The following ARHGEF3 variants were observed in gnomAD, a reference collection of about 807,000 sequenced individuals.
ARHGEF3 encodes the protein 59.8 kDA protein.
In ARHGEF3, 28 loss-of-function variants were observed where a neutral mutation model predicts 63.2. The observed-to-expected ratio is 0.44, with a 90% CI of 0.33 to 0.61. The LOEUF is 0.61. Ranked by LOEUF, ARHGEF3 falls within the 20% of genes least tolerant of loss-of-function variation. The probability of loss-of-function intolerance (pLI) is 0.03; values close to 1 mark genes in which losing one functional copy is unlikely to be tolerated. For missense variants in ARHGEF3, 533 were observed against 659.3 expected, an observed-to-expected ratio of 0.81 and a Z score of 2.10; for synonymous variants, 266 against 254.2, an observed-to-expected ratio of 1.05 and a Z score of -0.44.
intron 4 of ARHGEF3, among the ~76,000 whole-genome samples, chr3:56,820,461 T>TA (rs960505670): frequency 4.6e-5 from 7 of 151,028 alleles, no homozygotes; most frequent in African/African-American, 1.2e-4. Context: ...AGCAAGAGGG[T>TA]AAAAAAAAGG....
At chr3:56,932,083 T>C (rs1467895748) in intron 3 of ARHGEF3, among the ~76,000 whole-genome samples, 1 of 152,234 alleles carries the variant, frequency 6.6e-6, no homozygotes, top group East Asian at 1.9e-4. Context: ...CCATCTTAAG[T>C]AAGCATGGGA....
chr3:57,066,880 G>A (rs1044176584), intron 1 of ARHGEF3, among the ~76,000 whole-genome samples: 13 of 152,066 alleles, frequency 8.5e-5, no homozygotes, highest in Admixed American at 3.3e-4. Flanking sequence ...CTGGGTCTCC[G>A]GCCTGCCAGT....
upstream of ARHGEF3, among the ~76,000 whole-genome samples, chr3:56,805,262 T>A (rs187791794): frequency 6.4e-4 from 98 of 152,188 alleles, no homozygotes; most frequent in African/African-American, 2.3e-3. Flanking sequence ...TTGAGACAGG[T>A]CTCACTTTGT....
At chr3:56,849,948 C>T (rs2039620369) in intron 4 of ARHGEF3, among the ~76,000 whole-genome samples, 3 of 152,118 alleles carry the variant, frequency 2.0e-5, no homozygotes, top group Non-Finnish European at 1.5e-5. Context: ...ATGGAGTCCT[C>T]GGGCCTTAGA....
chr3:56,821,640 T>C (rs913273600), intron 4 of ARHGEF3, among the ~76,000 whole-genome samples: 1 of 152,160 alleles, frequency 6.6e-6, no homozygotes, highest in Non-Finnish European at 1.5e-5. Flanking sequence ...GCAAATATCT[T>C]AGCCCAATAT....
Position 57,044,089 on chromosome 3 carries a change from C to T in ARHGEF3, c.-27-8913G>A, listed in dbSNP as rs529937212. Among the ~76,000 whole-genome samples, 6 of 152,384 alleles carry T rather than the reference C, an allele frequency of 3.9e-5. No homozygotes were observed. The East Asian group carries it at 9.6e-4, about 25-fold the overall frequency. On this transcript the variant is annotated intron_variant, in intron 1 of 12. Coordinates refer to the ARHGEF3 transcript ENST00000338458. ...GTGCCTCCTTAGTGCCCCTGCCACA[C>T]TCCTCCTTCACCCAATCACACCAAT...
chr3:56,728,262 T>C lies in ARHGEF3; in HGVS notation c.*1008A>G, dbSNP rs2032858689. 6.6e-6 allele frequency: 1 copy of C among 152,652 alleles called. No individual in the cohort carries two copies. Among genetic ancestry groups the C allele is most frequent in the Non-Finnish European group, 1.5e-5 (1 of 68,040 alleles). 9.5% of individuals were successfully genotyped at this position (152,652 alleles called of 1,614,324 possible). A position where few individuals can be genotyped will look rare whatever the true frequency, so the allele number is the denominator to read the frequency against. On this transcript the variant is annotated 3_prime_UTR_variant, in exon 10 of 10. Coordinates refer to ENST00000296315, the MANE Select transcript of ARHGEF3 (RefSeq NM_019555.3). ...CAGGAAAGCCCAAAGCTCTGGCCTT[T>C]CTCAGAAGGCACTGGACCATGCTTT... is the stretch of plus-strand genomic sequence containing the variant.
intron 2 of ARHGEF3, among the ~76,000 whole-genome samples, chr3:57,014,133 A>G (rs1702848377): frequency 6.6e-6 from 1 of 152,166 alleles, no homozygotes; most frequent in Admixed American, 6.6e-5. Context: ...TAAGAGCTGT[A>G]ACACTCAGCG....
chr3:57,014,286 G>A (rs981036322), intron 2 of ARHGEF3, among the ~76,000 whole-genome samples: 8 of 152,176 alleles, frequency 5.3e-5, no homozygotes, highest in Non-Finnish European at 7.3e-5. Flanking sequence ...GTGAGGGTCC[G>A]CGGCTTCATT....
At position 56,737,226 on chromosome 3, in the gene ARHGEF3, C is replaced by A; in HGVS notation, c.1000G>T (p.Val334Phe). The A allele has an allele frequency of 1.2e-6, 2 of 1,614,154 alleles. No individual in the cohort carries two copies. Among genetic ancestry groups the A allele is most frequent in the Non-Finnish European group, 1.7e-6 (2 of 1,180,016 alleles). ...TTCAGTTCACCATGACAACACAAGACTCGAGAGCTGTCGATCAGGGAGTCT... is the reference window on the plus strand; with the variant it reads ...TTCAGTTCACCATGACAACACAAGAATCGAGAGCTGTCGATCAGGGAGTCT... ...QKDSLIDSSR[V>F]LCCHGELKNN... The change falls in exon 8 of 10, where the codon GTC becomes TTC. Residue 334 changes from valine to phenylalanine, a missense_variant. Physicochemically the swap from Val to Phe is conservative, Grantham distance 50. Around this residue, in one of 4 missense-constraint regions of ARHGEF3, gnomAD observed 151 missense variants for 190.7 expected, o/e 0.79. Transcript: ENST00000296315.
intron 2 of ARHGEF3, among the ~76,000 whole-genome samples, chr3:56,989,686 G>A (rs1701674483): frequency 6.6e-6 from 1 of 152,154 alleles, no homozygotes. Flanking sequence ...CCACAGCTGG[G>A]GCCCTCGTGG....
At chr3:56,914,116 G>A (rs1288354974) in intron 3 of ARHGEF3, among the ~76,000 whole-genome samples, 1 of 152,150 alleles carries the variant, frequency 6.6e-6, no homozygotes, top group Non-Finnish European at 1.5e-5. Flanking sequence ...TGGACTTTGG[G>A]GACTTGAGGG....
chr3:56,974,645 G>A (rs949432608), intron 2 of ARHGEF3, among the ~76,000 whole-genome samples: 1 of 152,068 alleles, frequency 6.6e-6, no homozygotes, highest in Non-Finnish European at 1.5e-5. Flanking sequence ...TAAAAGCAAA[G>A]GGATCGTTCT....
intron 3 of ARHGEF3, among the ~76,000 whole-genome samples, chr3:56,932,106 C>A (rs1421391198): frequency 6.6e-6 from 1 of 152,178 alleles, no homozygotes; most frequent in Non-Finnish European, 1.5e-5. Flanking sequence ...TAGTCCAATT[C>A]ATTGCATTTC....
At chr3:56,969,077 AG>A (rs1700791763) in intron 2 of ARHGEF3, among the ~76,000 whole-genome samples, 1 of 152,212 alleles carries the variant, frequency 6.6e-6, no homozygotes, top group Non-Finnish European at 1.5e-5. Flanking sequence ...TATTTTACAA[AG>A]GCTTTAGAGA....
intron 4 of ARHGEF3, among the ~76,000 whole-genome samples, chr3:56,848,968 C>A (rs898310480): frequency 5.9e-5 from 9 of 152,192 alleles, no homozygotes; most frequent in African/African-American, 2.2e-4. Context: ...CGCACCTGGC[C>A]CCACTGAGGC....
chr3:56,750,995 A>T (rs2034707565), intron 6 of ARHGEF3, 61 bp downstream of exon 6: 1 of 1,214,284 alleles, frequency 8.2e-7, no homozygotes, highest in Non-Finnish European at 1.1e-6. Flanking sequence ...TCTAGCTAAA[A>T]TGAAACTCCC....
At position 56,755,022 on chromosome 3, in the gene ARHGEF3, C is replaced by G. The variant is rs139520914; in HGVS notation, c.334G>C (p.Val112Leu). ...TCCTTGGATGTAAGCATCTGATTGA[C>G]GCACACATCGAAGGTCTCACTCCAC... ...KLWSETFDVC[V>L]NQMLTSKEIK... The change falls in exon 3 of 10, where the codon GTC becomes CTC. Residue 112 changes from valine to leucine, a missense_variant. Coordinates refer to ENST00000296315, the MANE Select transcript of ARHGEF3 (RefSeq NM_019555.3). 2 of 1,614,178 alleles carry G rather than the reference C, an allele frequency of 1.2e-6. No individual in the cohort carries two copies. The highest frequency in any genetic ancestry group is 1.7e-6 in the Non-Finnish European group (2 of 1,180,042).
At chr3:57,033,362 C>T (rs1458030899) in intron 2 of ARHGEF3, among the ~76,000 whole-genome samples, 1 of 151,044 alleles carries the variant, frequency 6.6e-6, no homozygotes, top group East Asian at 1.9e-4. Flanking sequence ...AGGGAAATGG[C>T]CCAATAAACA....
Sources: gnomAD v4.1 joint callset for allele counts (sites outside exome capture counted in the v4.1 genomes callset) on GRCh38, gnomAD v4.1.1 for gene constraint, gnomAD v4.1.1 regional missense constraint, MANE v1.5 for transcripts, NCBI Gene and HGNC (gene_info 2026-07-23, HGNC 2026-07-21) for gene names.